The following ERC1 variants were observed in gnomAD, a reference collection of about 807,000 sequenced individuals.
ERC1 encodes ELKS/RAB6-interacting/CAST family member 1.
In ERC1, 56 loss-of-function variants were observed where a neutral mutation model predicts 132.0. The observed-to-expected ratio is 0.42, with a 90% CI of 0.34 to 0.53. The LOEUF is 0.53. ERC1 is among the 20% of genes least tolerant of loss of function. ERC1 has a pLI of 0.03. For missense variants in ERC1, 1,202 were observed against 1,349.9 expected, an observed-to-expected ratio of 0.89 and a Z score of 1.72; for synonymous variants, 478 against 476.1, an observed-to-expected ratio of 1.00 and a Z score of -0.05.
chr12:1,166,314 T>G (rs1479148232), intron 8 of ERC1, among the ~76,000 whole-genome samples: 2 of 152,150 alleles, frequency 1.3e-5, no homozygotes, highest in Non-Finnish European at 2.9e-5. Flanking sequence ...CTGCACAAGC[T>G]CTCTCTGTCT....
At chr12:1,175,305 A>G (rs1288219176) in intron 8 of ERC1, among the ~76,000 whole-genome samples, 2 of 152,160 alleles carry the variant, frequency 1.3e-5, no homozygotes, top group African/African-American at 2.4e-5. Context: ...CTGCAGTGCT[A>G]TTTGATAGCA....
At chr12:1,483,647 ACTC>A (rs1260124218) in intron 18 of ERC1, among the ~76,000 whole-genome samples, 1 of 142,594 alleles carries the variant, frequency 7.0e-6, no homozygotes, top group Non-Finnish European at 1.5e-5. Context: ...TAAAATCAAA[ACTC>A]CTTCCAGCCA....
intron 3 of ERC1, among the ~76,000 whole-genome samples, chr12:1,092,636 T>A (rs1943396702): frequency 6.6e-6 from 1 of 152,154 alleles, no homozygotes; most frequent in Non-Finnish European, 1.5e-5. Context: ...TAAATAAGTT[T>A]AAAAAAACTA....
intron 7 of ERC1, among the ~76,000 whole-genome samples, chr12:1,133,955 A>G (rs1385418967): frequency 1.3e-5 from 2 of 152,136 alleles, no homozygotes; most frequent in African/African-American, 2.4e-5. Context: ...TTGTCCTTGT[A>G]TTATGAGTTG....
At chr12:1,225,418 A>ACAG (rs1310182035) in intron 12 of ERC1, among the ~76,000 whole-genome samples, 2 of 144,140 alleles carry the variant, frequency 1.4e-5, no homozygotes, top group East Asian at 3.9e-4. Context: ...CCACTCTACT[A>ACAG]CAGCCAGGAC....
intron 17 of ERC1, among the ~76,000 whole-genome samples, chr12:1,418,583 T>TTC (rs1472413677): frequency 9.9e-6 from 1 of 100,994 alleles, no homozygotes; most frequent in Non-Finnish European, 2.3e-5. Flanking sequence ...CTTTCTTTCT[T>TTC]TCTTTCTCTT....
chr12:1,281,274 A>T (rs908377990), intron 14 of ERC1, among the ~76,000 whole-genome samples: 4 of 152,338 alleles, frequency 2.6e-5, no homozygotes, highest in African/African-American at 9.6e-5. Flanking sequence ...AAACCTGGAC[A>T]AATTATATAG....
chr12:1,309,018 T>G (rs896530096), intron 15 of ERC1, among the ~76,000 whole-genome samples: 4 of 152,194 alleles, frequency 2.6e-5, no homozygotes, highest in Non-Finnish European at 5.9e-5. Context: ...AAGCTGTGAG[T>G]AGATGCCATC....
chr12:1,315,727 C>CAG (rs971211542), intron 15 of ERC1, among the ~76,000 whole-genome samples: 11 of 150,596 alleles, frequency 7.3e-5, no homozygotes, highest in Middle Eastern at 3.4e-3. Flanking sequence ...GAGAGAAAGC[C>CAG]AGAGAGAGAG....
chr12:1,144,613 GGTATATATATATATATATATACGT>G (rs1429914125), intron 8 of ERC1, among the ~76,000 whole-genome samples: 3 of 126,252 alleles, frequency 2.4e-5, no homozygotes, highest in Non-Finnish European at 3.1e-5. Flanking sequence ...AGAATTTTGT[GGTATATATATATATATATATACGT>G]GTATATATAT....
rs1555385778 is a variant in ERC1 at position 1,386,664 on chromosome 12, A to AAAAT, written c.2925+14688_2925+14689insAATA. ...AAGACTTCGTCTCAAAAAAAAAAAA[A>AAAAT]ACATTAAAAAGTACACATGTCTAAG... On this transcript the variant is annotated intron_variant, in intron 16 of 18. Coordinates refer to ENST00000360905, the MANE Select transcript of ERC1 (RefSeq NM_178040.4). 8.6e-4 allele frequency: 121 copies of AAAAT among 140,716 alleles called. 7 individuals are homozygous for AAAAT. The highest frequency in any genetic ancestry group is 3.3e-3 in the Admixed American group (46 of 14,024). The allele number at this position is 140,716 out of a possible 1,614,324, so 8.7% of individuals were successfully genotyped here.
chr12:1,019,806 A>G (rs140091355), intron 1 of ERC1, among the ~76,000 whole-genome samples: 3 of 152,284 alleles, frequency 2.0e-5, no homozygotes, highest in East Asian at 1.9e-4. Context: ...CAGTGGCACT[A>G]TCATGGCTCA....
At chr12:1,219,176 G>T (rs555286723) in intron 12 of ERC1, among the ~76,000 whole-genome samples, 7 of 152,102 alleles carry the variant, frequency 4.6e-5, no homozygotes, top group African/African-American at 1.7e-4. Flanking sequence ...CCTGGCCTCA[G>T]ACTTCTTCAA....
chr12:1,456,098 C>T (rs1029523241), intron 18 of ERC1, among the ~76,000 whole-genome samples: 56 of 152,284 alleles, frequency 3.7e-4, no homozygotes, highest in Middle Eastern at 3.4e-3. Flanking sequence ...ACACAATTTC[C>T]CTGCAACAAT....
intron 2 of ERC1, among the ~76,000 whole-genome samples, chr12:1,072,865 G>C (rs541710357): frequency 6.6e-6 from 1 of 152,052 alleles, no homozygotes; most frequent in East Asian, 1.9e-4. Context: ...GCTAATTTTT[G>C]TATTTTTAGT....
At chr12:1,117,589 C>T (rs931548580) in intron 7 of ERC1, among the ~76,000 whole-genome samples, 25 of 152,282 alleles carry the variant, frequency 1.6e-4, no homozygotes, top group South Asian at 6.2e-4. Flanking sequence ...ATCCTGGGAA[C>T]GTATTCAACT....
intron 15 of ERC1, among the ~76,000 whole-genome samples, chr12:1,333,544 G>A (rs570571495): frequency 1.2e-4 from 18 of 151,788 alleles, no homozygotes; most frequent in Non-Finnish European, 2.2e-4. Context: ...TGTTGGCCAC[G>A]GTGGTCTCGA....
chr12:1,394,520 G>A (rs754619834), intron 16 of ERC1, among the ~76,000 whole-genome samples: 11 of 152,326 alleles, frequency 7.2e-5, no homozygotes, highest in Non-Finnish European at 1.6e-4. Flanking sequence ...CAAATCTCAT[G>A]TTGATTGTTA....
rs376908208 is a variant in ERC1, at chr12:1,403,286, T to A, written c.2926-4863T>A. Among the ~76,000 whole-genome samples, 98 of 152,302 alleles carry A rather than the reference T, an allele frequency of 6.4e-4. 1 individual carries two copies. The South Asian group carries it at 0.02, about 31-fold the overall frequency. On this transcript the variant is annotated intron_variant, in intron 16 of 18. Coordinates refer to ENST00000360905, the MANE Select transcript of ERC1 (RefSeq NM_178040.4). ...ACCAGGGGTTTCATCTCCCTGCACA[T>A]GCACCTGGCACGGTTCAAGAGGAAA...
Sources: allele counts gnomAD v4.1 joint callset (sites outside exome capture counted in the v4.1 genomes callset), GRCh38; gene constraint gnomAD v4.1.1; transcripts MANE v1.5; gene names NCBI Gene and HGNC (gene_info 2026-07-23, HGNC 2026-07-21).